The following SCNN1A variants were observed in gnomAD, a reference collection of about 807,000 sequenced individuals.
SCNN1A encodes sodium channel epithelial 1 subunit alpha.
In SCNN1A, 65 loss-of-function variants were observed where a neutral mutation model predicts 68.6. The observed-to-expected ratio is 0.95, with a 90% CI of 0.78 to 1.16. The LOEUF (loss-of-function observed/expected upper bound fraction) is 1.16. Among genes scored for constraint, SCNN1A ranks in the 50% most tolerant of loss-of-function variants. SCNN1A has a pLI of 0.00. For synonymous variants in SCNN1A, 357 were observed against 353.3 expected, an observed-to-expected ratio of 1.01 and a Z score of -0.12; for missense variants, 880 against 865.9, an observed-to-expected ratio of 1.02 and a Z score of -0.20.
chr12:6,363,478 C>G lies in SCNN1A; in HGVS notation c.649G>C (p.Val217Leu), dbSNP rs200510319. 8 of 1,605,616 alleles carry G rather than the reference C, an allele frequency of 5.0e-6. No individual in the cohort carries two copies. The Admixed American group carries it at 6.7e-5, about 14-fold the overall frequency. ...CCGATCTTCCAGTCCTTCCAGTCCACCTGGGGGTTGTTGTCCCGCAAGCTG... is the reference window on the plus strand; with the variant it reads ...CCGATCTTCCAGTCCTTCCAGTCCAGCTGGGGGTTGTTGTCCCGCAAGCTG... Reference protein sequence around the residue: ...ASSLRDNNPQVDWKDWKIGFQ... With the variant: ...ASSLRDNNPQLDWKDWKIGFQ... The change falls in exon 3 of 13, where the codon GTG becomes CTG. Residue 217 changes from valine (V) to leucine (L), a missense_variant. By Grantham distance (32) the Val-to-Leu change is conservative (BLOSUM62 1). This residue lies in a region of SCNN1A where 758 missense variants were observed against 721.8 expected (regional missense o/e 1.05). Coordinates refer to ENST00000228916, the MANE Select transcript of SCNN1A (RefSeq NM_001038.6).
chr12:6,361,680 T>G (rs1948581547), intron 4 of SCNN1A, among the ~76,000 whole-genome samples: 2 of 152,026 alleles, frequency 1.3e-5, no homozygotes, highest in African/African-American at 2.4e-5. Context: ...GAGGTGAAGG[T>G]TGCAGACAGC....
At chr12:6,375,607 G>C (rs1173060998), upstream of SCNN1A, 2 of 1,240,602 alleles carry the variant, frequency 1.6e-6, no homozygotes, top group East Asian at 2.6e-5. Flanking sequence ...GAGCAGGGCG[G>C]GGGGAGGGGC....
rs753494970 is a variant in SCNN1A at position 6,348,047 on chromosome 12, G to A, written c.1836C>T (p.Ser612=). Residue 612 remains serine (S), a synonymous_variant, in exon 13 of 13, where the codon TCC becomes TCT. Coordinates refer to ENST00000228916, the MANE Select transcript of SCNN1A (RefSeq NM_001038.6). ...AQEVASTLAS[S]PPSHFCPHPM... ...GGTGGGGGCAGAAGTGGGAAGGAGG[G>A]GAGGATGCCAGGGTGGAGGCTACCT... The A allele has an allele frequency of 6.2e-7, 1 of 1,611,038 alleles. No homozygotes were observed. Among genetic ancestry groups the A allele is most frequent in the Non-Finnish European group, 8.5e-7 (1 of 1,178,534 alleles).
intron 4 of SCNN1A, among the ~76,000 whole-genome samples, chr12:6,358,881 G>T (rs984549724): frequency 1.4e-5 from 2 of 147,258 alleles, no homozygotes; most frequent in Admixed American, 1.3e-4. Context: ...AAAAAAAAAG[G>T]TGGTGTATCT....
intron 2 of SCNN1A, among the ~76,000 whole-genome samples, chr12:6,365,297 G>A (rs894744926): frequency 2.0e-5 from 3 of 152,158 alleles, no homozygotes; most frequent in Admixed American, 1.3e-4. Context: ...GATTGCAGGC[G>A]TGAGCCACTC....
rs1437984085 is a variant in SCNN1A at position 6,372,294 on chromosome 12, A to G, written c.416+2074T>C. 6.6e-6 allele frequency among the ~76,000 whole-genome samples: 1 copy of G among 152,242 alleles called. No individual in the cohort carries two copies. Among genetic ancestry groups the G allele is most frequent in the Non-Finnish European group, 1.5e-5 (1 of 68,048 alleles). On this transcript the variant is annotated intron_variant, in intron 2 of 12. Transcript: ENST00000228916. This position sits in a 1 kb window ranked among gnomAD's most constrained non-coding sequence, Gnocchi z 5.8. Reference sequence around the variant, plus strand: ...GTATTAAATGAGAGAGTGTCTATAAAGCACCCAGCTTTAGGGTGTAGCACA... The same window carrying G: ...GTATTAAATGAGAGAGTGTCTATAAGGCACCCAGCTTTAGGGTGTAGCACA...
chr12:6,366,800 CAAA>C (rs549082404), intron 2 of SCNN1A, among the ~76,000 whole-genome samples: 1 of 104,324 alleles, frequency 9.6e-6, no homozygotes. Flanking sequence ...AACTCCATCT[CAAA>C]AAAAAAAAAA....
intron 6 of SCNN1A, 95 bp from the exon 7 acceptor site, chr12:6,354,943 C>T (rs1385558562): frequency 3.8e-6 from 4 of 1,039,736 alleles, no homozygotes; most frequent in East Asian, 4.7e-5. Context: ...TCACACCTGC[C>T]AGCCCCTCCT....
At chr12:6,362,529 T>C (rs1948597617) in intron 3 of SCNN1A, among the ~76,000 whole-genome samples, 1 of 152,062 alleles carries the variant, frequency 6.6e-6, no homozygotes, top group Non-Finnish European at 1.5e-5. Flanking sequence ...GGAGCAAGAC[T>C]TTCCCTCCCA....
chr12:6,354,776 G>T lies in SCNN1A; in HGVS notation c.1216C>A (p.Leu406Ile), dbSNP rs149484264. 462 of 1,613,932 alleles carry T rather than the reference G, an allele frequency of 2.9e-4. No homozygotes were observed. Among genetic ancestry groups the T allele is most frequent in the Non-Finnish European group, 1.4e-4 (167 of 1,179,954 alleles). Residue 406 changes from leucine (L) to isoleucine (I), a missense_variant, in exon 7 of 13, where the codon CTT becomes ATT. Leu to Ile is a conservative substitution (Grantham distance 5, BLOSUM62 2). This residue lies in a region of SCNN1A where 758 missense variants were observed against 721.8 expected (regional missense o/e 1.05). Coordinates refer to ENST00000228916, the MANE Select transcript of SCNN1A (RefSeq NM_001038.6). ...TGCTGTGTGTACTTTGAAGGGTAAA[G>T]GTTCTCAACAGGAACATCACTGCCA... ...KNGSDVPVEN[L>I]YPSKYTQQVC...
chr12:6,348,930 GGGACCAGGGCA>G lies in SCNN1A; in HGVS notation c.1553+9_1553+19del. 1 of 1,613,526 alleles carries G rather than the reference GGGACCAGGGCA, an allele frequency of 6.2e-7. No homozygotes were observed. Among genetic ancestry groups the G allele is most frequent in the Non-Finnish European group, 8.5e-7 (1 of 1,179,528 alleles). On this transcript the variant is annotated intron_variant, in intron 11 of 12. Transcript: ENST00000228916. Reference sequence around the variant, plus strand: ...TCCCAAAGATTCCCTTCTTGTGGCTGGGACCAGGGCAGGACTGACCTCTTGTTGTTGACGGT... The same window carrying G: ...TCCCAAAGATTCCCTTCTTGTGGCTGGGACTGACCTCTTGTTGTTGACGGT...
chr12:6,376,005 C>G (rs2136917589), upstream of SCNN1A: 1 of 1,005,176 alleles, frequency 9.9e-7, no homozygotes, highest in African/African-American at 1.7e-5. Flanking sequence ...GGAGCCAGCA[C>G]CAAAGGGAGT....
upstream of SCNN1A, chr12:6,375,831 A>AGGGGCCAGCCAGGCTGAG (rs1948897275): frequency 1.5e-6 from 2 of 1,351,248 alleles, no homozygotes; most frequent in Non-Finnish European, 1.9e-6. Context: ...CACAAGGAGA[A>AGGGGCCAGCCAGGCTGAG]GGGGCCAGCC....
chr12:6,362,613 G>C (rs1046515368), intron 3 of SCNN1A, among the ~76,000 whole-genome samples: 11 of 152,052 alleles, frequency 7.2e-5, no homozygotes, highest in African/African-American at 2.4e-4. Context: ...CCAGTCCCCA[G>C]CCCACTCTTA....
At chr12:6,370,278 T>C (rs1393417041) in intron 2 of SCNN1A, among the ~76,000 whole-genome samples, 2 of 152,216 alleles carry the variant, frequency 1.3e-5, no homozygotes, top group South Asian at 2.1e-4. Context: ...CCCAGGCCTG[T>C]TCACTCCACG....
At chr12:6,363,980 G>A (rs1948632306) in intron 2 of SCNN1A, 1 of 343,262 alleles carries the variant, frequency 2.9e-6, no homozygotes, top group Admixed American at 4.8e-5. Context: ...TGTCGTCTGT[G>A]GGGCGCTCTC....
rs773372073 is a variant in SCNN1A at position 6,363,506 on chromosome 12, G to T, written c.621C>A (p.Ala207=). Residue 207 remains alanine, a synonymous_variant, in exon 3 of 13, where the codon GCC becomes GCA. Coordinates refer to ENST00000228916, the MANE Select transcript of SCNN1A (RefSeq NM_001038.6). ...GGGGGTTGTTGTCCCGCAAGCTGGA[G>T]GCCACGCTACGGGCTCGACGGGCCC... is the stretch of plus-strand genomic sequence containing the variant. The part of the protein sequence containing the change: ...PHGARRARSV[A]SSLRDNNPQV... 6.2e-7 allele frequency: 1 copy of T among 1,609,044 alleles called. No individual in the cohort carries two copies. The highest frequency in any genetic ancestry group is 1.1e-5 in the South Asian group (1 of 90,558).
chr12:6,362,085 C>A lies in SCNN1A; in HGVS notation c.841G>T (p.Ala281Ser), dbSNP rs201553658. ...CAGGAGACCTGGTTGAAGCGGCAGG[C>A]GAAGATGAAGTTGCCCAGCGTGTCC... ...EEDTLGNFIF[A>S]CRFNQVSCNQ... Residue 281 changes from alanine to serine, a missense_variant, in exon 4 of 13, where the codon GCC (alanine) becomes TCC (serine). By Grantham distance (99) the Ala-to-Ser change is moderately conservative. Coordinates refer to ENST00000228916, the MANE Select transcript of SCNN1A (RefSeq NM_001038.6). 3 of 1,608,264 alleles carry A rather than the reference C, an allele frequency of 1.9e-6. No homozygotes were observed. The East Asian group carries it at 6.7e-5, about 36-fold the overall frequency.
At position 6,350,284 on chromosome 12, in the gene SCNN1A, T is replaced by C. The variant is rs567437094; in HGVS notation, c.1361-879A>G. Among the ~76,000 whole-genome samples, 35 of 145,136 alleles carry C rather than the reference T, an allele frequency of 2.4e-4. No homozygotes were observed. The South Asian group carries it at 6.8e-3, about 28-fold the overall frequency. The stretch of plus-strand genomic sequence containing the variant: ...CGTCTCTACTAAAAATACAAAAAAT[T>C]AGCCGGGCGTGGTGGCGGGCGCCTG... On this transcript the variant is annotated intron_variant, in intron 8 of 12. Coordinates refer to ENST00000228916, the MANE Select transcript of SCNN1A (RefSeq NM_001038.6).
Sources: gnomAD v4.1 joint callset for allele counts (sites outside exome capture counted in the v4.1 genomes callset) on GRCh38, gnomAD v4.1.1 for gene constraint, gnomAD v4.1.1 regional missense constraint, Gnocchi (gnomAD v3.1) non-coding constraint, MANE v1.5 for transcripts, NCBI Gene and HGNC (gene_info 2026-07-23, HGNC 2026-07-21) for gene names.